The following BIRC5 variants were observed in gnomAD, a reference collection of about 807,000 sequenced individuals.
BIRC5 encodes baculoviral IAP repeat-containing protein 5.
Under a neutral mutation model 15.8 loss-of-function variants are expected in BIRC5, and 8 were observed. The ratio of observed to expected loss-of-function variants is 0.51; its 90% CI spans 0.30 to 0.91. The LOEUF (loss-of-function observed/expected upper bound fraction) is 0.91. BIRC5 is among the 40% of genes least tolerant of loss of function. The probability of loss-of-function intolerance (pLI) is 0.07; values close to 1 mark genes in which losing one functional copy is unlikely to be tolerated. For missense variants in BIRC5, 163 were observed against 178.6 expected, an observed-to-expected ratio of 0.91 and a Z score of 0.50; for synonymous variants, 56 against 64.5, an observed-to-expected ratio of 0.87 and a Z score of 0.63.
chr17:78,222,708 C>T, intron 3 of BIRC5: 1 of 1,347,222 alleles, frequency 7.4e-7, no homozygotes, highest in Non-Finnish European at 9.8e-7. Flanking sequence ...TGTCAGCAAA[C>T]AAATTTAACC....
intron 3 of BIRC5, chr17:78,223,002 T>G: frequency 6.8e-7 from 1 of 1,475,736 alleles, no homozygotes; most frequent in Non-Finnish European, 8.9e-7. Context: ...GGTAGGGCAG[T>G]GGTTAAGAGC....
intron 3 of BIRC5, among the ~76,000 whole-genome samples, chr17:78,220,382 C>G (rs981392376): frequency 6.6e-6 from 1 of 151,416 alleles, no homozygotes; most frequent in Non-Finnish European, 1.5e-5. Flanking sequence ...GAGCCGAGAT[C>G]GCGCCACTGC....
In BIRC5 at chr17:78,214,796, C is replaced by T; in HGVS notation, c.221+7C>T. ...AGCCAGATGACGACCCCATGTAAGT[C>T]TTCTCTGGCCAGCCTCGATGGGCTT... On this transcript the variant is annotated splice_region_variant and intron_variant, in intron 2 of 3. Coordinates refer to ENST00000350051, the MANE Select transcript of BIRC5 (RefSeq NM_001168.3). 1 of 1,606,988 alleles carries T rather than the reference C, an allele frequency of 6.2e-7. No homozygotes were observed. Among genetic ancestry groups the T allele is most frequent in the South Asian group, 1.1e-5 (1 of 89,918 alleles).
At position 78,223,799 on chromosome 17, in the gene BIRC5, G is replaced by T; in HGVS notation, c.*245G>T. ...TTCTCTCTCTCTCTCTCTTTTTTGG[G>T]GGCTCATTTTTGCTGTTTTGATTCC... On this transcript the variant is annotated 3_prime_UTR_variant, in exon 4 of 4. Transcript: ENST00000350051. 2.3e-6 allele frequency: 2 copies of T among 852,352 alleles called. No homozygotes were observed. Among genetic ancestry groups the T allele is most frequent in the Non-Finnish European group, 3.4e-6 (2 of 596,960 alleles). The allele number at this position is 852,352 out of a possible 1,614,324, so 52.8% of individuals were successfully genotyped here.
chr17:78,223,425 G>A, intron 3 of BIRC5, 40 bp from the exon 4 acceptor site: 1 of 1,519,118 alleles, frequency 6.6e-7, no homozygotes, highest in Non-Finnish European at 8.9e-7. Flanking sequence ...TGACTGGGAA[G>A]CTCTGGTTTC....
Position 78,216,668 on chromosome 17 carries a change from G to GAACAT in BIRC5, c.229_233dup (p.Lys78AsnfsTer21). On this transcript the variant is annotated frameshift_variant, in exon 3 of 4. Coordinates refer to ENST00000350051, the MANE Select transcript of BIRC5 (RefSeq NM_001168.3). LOFTEE classifies it high-confidence loss of function. ...CTGTTGTTTTGATTTTTCTAGAGAG[G>GAACAT]AACATAAAAAGCATTCGTCCGGTTG... 6.2e-7 allele frequency: 1 copy of GAACAT among 1,613,262 alleles called. No homozygotes were observed. Among genetic ancestry groups the GAACAT allele is most frequent in the Non-Finnish European group, 8.5e-7 (1 of 1,179,540 alleles).
chr17:78,215,440 AAAAG>A lies in BIRC5; in HGVS notation c.221+660_221+663del, dbSNP rs529223138. On this transcript the variant is annotated intron_variant, in intron 2 of 3. Coordinates refer to ENST00000350051, the MANE Select transcript of BIRC5 (RefSeq NM_001168.3). ...ATAAAAATAAAAAATTGAAAAAAAAAAAAGAAAGAAAGCATATACTTCAGTGTTG... is the reference window on the plus strand; with the variant it reads ...ATAAAAATAAAAAATTGAAAAAAAAAAAAGAAAGCATATACTTCAGTGTTG... Among the ~76,000 whole-genome samples, 109 of 152,308 alleles carry A rather than the reference AAAAG, an allele frequency of 7.2e-4. 1 individual carries two copies. Among genetic ancestry groups the A allele is most frequent in the South Asian group, 2.1e-3 (10 of 4,828 alleles).
intron 3 of BIRC5, among the ~76,000 whole-genome samples, chr17:78,217,980 T>A (rs2076491639): frequency 6.6e-6 from 1 of 151,320 alleles, no homozygotes; most frequent in Admixed American, 6.6e-5. Context: ...ATTTATTTAT[T>A]TATTTATTTT....
chr17:78,215,524 G>A lies in BIRC5; in HGVS notation c.221+735G>A, dbSNP rs532673345. 4.6e-5 allele frequency among the ~76,000 whole-genome samples: 7 copies of A among 151,370 alleles called. No homozygotes were observed. The South Asian group carries it at 1.3e-3, about 27-fold the overall frequency. On this transcript the variant is annotated intron_variant, in intron 2 of 3. Transcript: ENST00000350051. The stretch of plus-strand genomic sequence containing the variant: ...TTAATGACAATGAAATTCTGTACTC[G>A]GATGGTATCTGTCTTTCCACACTGT...
In BIRC5 at chr17:78,223,544, C is replaced by T; in HGVS notation, c.419C>T (p.Ala140Val). The T allele has an allele frequency of 6.2e-7, 1 of 1,613,700 alleles. No homozygotes were observed. The highest frequency in any genetic ancestry group is 1.7e-4 in the Middle Eastern group (1 of 6,060). Reference sequence around the variant, plus strand: ...CGCCGTGCCATCGAGCAGCTGGCTGCCATGGATTGAGGCCTCTGGCCGGAG... The same window carrying T: ...CGCCGTGCCATCGAGCAGCTGGCTGTCATGGATTGAGGCCTCTGGCCGGAG... The part of the protein sequence containing the change: ...KVRRAIEQLA[A>V]MD The change falls in exon 4 of 4, where the codon GCC (alanine) becomes GTC (valine). Residue 140 changes from alanine (A) to valine (V), a missense_variant. Physicochemically the swap from Ala to Val is moderately conservative, Grantham distance 64. Transcript: ENST00000350051.
intron 3 of BIRC5, among the ~76,000 whole-genome samples, chr17:78,218,276 T>G (rs893267654): frequency 6.6e-6 from 1 of 151,334 alleles, no homozygotes; most frequent in Non-Finnish European, 1.5e-5. Context: ...CTTTATTTAT[T>G]TATTTATTTA....
intron 3 of BIRC5, among the ~76,000 whole-genome samples, chr17:78,218,686 T>G (rs1158501666): frequency 1.3e-5 from 2 of 150,724 alleles, no homozygotes; most frequent in African/African-American, 2.4e-5. Flanking sequence ...CACTACAAGC[T>G]CCGCCTCCCG....
intron 3 of BIRC5, chr17:78,223,075 G>T: frequency 6.7e-6 from 6 of 899,536 alleles, no homozygotes; most frequent in Non-Finnish European, 9.0e-6. Context: ...TAGCTGGGGT[G>T]CCTAGACTAG....
rs1400654789 is a variant in BIRC5, at chr17:78,223,060, C to CAGACTAGCTGGGGTGCCT, written c.340-392_340-375dup. The CAGACTAGCTGGGGTGCCT allele has an allele frequency of 5.3e-6, 3 of 571,196 alleles. No individual in the cohort carries two copies. In the African/African-American group the frequency reaches 1.1e-4, roughly 21 times the overall value. 35.4% of individuals were successfully genotyped at this position (571,196 alleles called of 1,614,324 possible). A position where few individuals can be genotyped will look rare whatever the true frequency, so the allele number is the denominator to read the frequency against. ...GGGTGCCTAGACTAGCTGGGGTGCC[C>CAGACTAGCTGGGGTGCCT]AGACTAGCTGGGGTGCCTAGACTAG... On this transcript the variant is annotated intron_variant, in intron 3 of 3. Transcript: ENST00000350051.
intron 3 of BIRC5, among the ~76,000 whole-genome samples, chr17:78,220,113 T>C (rs1848617056): frequency 6.8e-6 from 1 of 147,156 alleles, no homozygotes; most frequent in Non-Finnish European, 1.5e-5. Flanking sequence ...CACTCACCTG[T>C]TGGAAGATGT....
At position 78,223,569 on chromosome 17, in the gene BIRC5, G is replaced by A; in HGVS notation, c.*15G>A. 1 of 1,613,800 alleles carries A rather than the reference G, an allele frequency of 6.2e-7. No individual in the cohort carries two copies. The highest frequency in any genetic ancestry group is 8.5e-7 in the Non-Finnish European group (1 of 1,179,834). ...CCATGGATTGAGGCCTCTGGCCGGA[G>A]CTGCCTGGTCCCAGAGTGGCTGCAC... On this transcript the variant is annotated 3_prime_UTR_variant, in exon 4 of 4. Coordinates refer to ENST00000350051, the MANE Select transcript of BIRC5 (RefSeq NM_001168.3).
chr17:78,218,133 A>G (rs990700015), intron 3 of BIRC5, among the ~76,000 whole-genome samples: 2 of 150,954 alleles, frequency 1.3e-5, no homozygotes, highest in African/African-American at 2.4e-5. Context: ...TAAAGCCCCT[A>G]GGATGTCTGT....
In BIRC5 at chr17:78,214,377, A is replaced by G; in HGVS notation, c.61A>G (p.Thr21Ala). The G allele has an allele frequency of 6.2e-7, 1 of 1,604,728 alleles. No individual in the cohort carries two copies. Among genetic ancestry groups the G allele is most frequent in the Non-Finnish European group, 8.5e-7 (1 of 1,176,006 alleles). ...QPFLKDHRIS[T>A]FKNWPFLEGC... ...CTTTCTCAAGGACCACCGCATCTCT[A>G]CATTCAAGAACTGGCCCTTCTTGGA... is the stretch of plus-strand genomic sequence containing the variant. The change falls in exon 1 of 4, where the codon ACA becomes GCA. Residue 21 changes from threonine to alanine, a missense_variant. Physicochemically the swap from Thr to Ala is moderately conservative, Grantham distance 58. Coordinates refer to ENST00000350051, the MANE Select transcript of BIRC5 (RefSeq NM_001168.3).
In BIRC5 at chr17:78,225,459, G is replaced by A. The variant is rs1726400795; in HGVS notation, c.*1905G>A. 1 of 152,240 alleles carries A rather than the reference G, an allele frequency of 6.6e-6. No individual in the cohort carries two copies. The highest frequency in any genetic ancestry group is 2.1e-4 in the South Asian group (1 of 4,836). 9.4% of individuals were successfully genotyped at this position (152,240 alleles called of 1,614,324 possible). The stretch of plus-strand genomic sequence containing the variant: ...TGAATGAGGCTTCTGGGCTATGGGT[G>A]AGGTTCCAATGGCAGGTTAGAGCCC... On this transcript the variant is annotated 3_prime_UTR_variant, in exon 4 of 4. Coordinates refer to ENST00000350051, the MANE Select transcript of BIRC5 (RefSeq NM_001168.3).
Sources: gnomAD v4.1 joint callset for allele counts (sites outside exome capture counted in the v4.1 genomes callset) on GRCh38, gnomAD v4.1.1 for gene constraint, MANE v1.5 for transcripts, NCBI Gene and HGNC (gene_info 2026-07-23, HGNC 2026-07-21) for gene names.